EEPD1: variants seen among roughly 807,000 people sequenced by gnomAD.
EEPD1 encodes endonuclease/exonuclease/phosphatase family domain-containing protein 1.
Under a neutral mutation model 46.3 loss-of-function variants are expected in EEPD1, and 17 were observed. That is an observed-to-expected ratio of 0.37 (90% CI 0.25 to 0.55). The LOEUF (loss-of-function observed/expected upper bound fraction) is 0.55. Among genes scored for constraint, EEPD1 ranks in the 20% least tolerant of loss-of-function variants. The probability of loss-of-function intolerance (pLI) is 0.83; values close to 1 mark genes in which losing one functional copy is unlikely to be tolerated. For synonymous variants in EEPD1, 313 were observed against 315.6 expected (o/e 0.99, Z 0.09); for missense variants, 673 against 745.6 (o/e 0.90, Z 1.13).
At chr7:36,298,392 A>C (rs1312777369) in intron 7 of EEPD1, among the ~76,000 whole-genome samples, 2 of 152,196 alleles carry the variant, frequency 1.3e-5, no homozygotes, top group African/African-American at 2.4e-5. Context: ...TCCACCCAGA[A>C]TCTAGGCCCA....
rs539406021 is a variant in EEPD1 at position 36,201,923 on chromosome 7, A to G, written c.879-37062A>G. ...TGGCTTCCCATAGAATTATCATTCA[A>G]AGGGTTCTACCTGACCTGCCTGCAG... On this transcript the variant is annotated intron_variant, in intron 2 of 7. Coordinates refer to ENST00000242108, the MANE Select transcript of EEPD1 (RefSeq NM_030636.3). Among the ~76,000 whole-genome samples the G allele has an allele frequency of 8.5e-5, 13 of 152,308 alleles. No individual in the cohort carries two copies. The South Asian group carries it at 1.7e-3, about 19-fold the overall frequency.
intron 2 of EEPD1, among the ~76,000 whole-genome samples, chr7:36,204,845 GT>G (rs1379235937): frequency 6.6e-6 from 1 of 152,214 alleles, no homozygotes; most frequent in Non-Finnish European, 1.5e-5. Flanking sequence ...CCTTAGGATA[GT>G]GTGGCAGATG....
chr7:36,160,252 C>A (rs951362741), intron 2 of EEPD1, among the ~76,000 whole-genome samples: 2 of 152,188 alleles, frequency 1.3e-5, no homozygotes, highest in African/African-American at 4.8e-5. Context: ...AAGACAAAGT[C>A]CCTGCACTCA....
intron 3 of EEPD1, among the ~76,000 whole-genome samples, chr7:36,265,135 C>T (rs1433371128): frequency 6.6e-6 from 1 of 152,172 alleles, no homozygotes; most frequent in African/African-American, 2.4e-5. Flanking sequence ...AGGCTGGCAT[C>T]GCATAAGAAA....
At chr7:36,198,542 CAATT>C (rs1466156223) in intron 2 of EEPD1, among the ~76,000 whole-genome samples, 1 of 151,664 alleles carries the variant, frequency 6.6e-6, no homozygotes, top group East Asian at 1.9e-4. Context: ...TTTTATTTGT[CAATT>C]AATAAATAAA....
At chr7:36,182,675 C>T (rs1785291276) in intron 2 of EEPD1, among the ~76,000 whole-genome samples, 1 of 152,226 alleles carries the variant, frequency 6.6e-6, no homozygotes, top group Non-Finnish European at 1.5e-5. Flanking sequence ...TGGACTTGCC[C>T]AGTAATGCAC....
intron 3 of EEPD1, among the ~76,000 whole-genome samples, chr7:36,256,164 A>C (rs978363862): frequency 6.6e-6 from 1 of 152,104 alleles, no homozygotes; most frequent in African/African-American, 2.4e-5. Context: ...CTGAGTTCTA[A>C]TTTGATTGCA....
chr7:36,252,926 T>G (rs1227254493), intron 3 of EEPD1, among the ~76,000 whole-genome samples: 2 of 150,658 alleles, frequency 1.3e-5, no homozygotes, highest in Non-Finnish European at 3.0e-5. Context: ...TTCCATTGGT[T>G]TTTCTGGGTT....
At chr7:36,247,818 T>C (rs1786663762) in intron 3 of EEPD1, among the ~76,000 whole-genome samples, 1 of 152,060 alleles carries the variant, frequency 6.6e-6, no homozygotes, top group African/African-American at 2.4e-5. Context: ...TTCCCAGGAG[T>C]GGGAGCAGGT....
rs912509709 is a variant in EEPD1 at position 36,154,257 on chromosome 7, C to A, written c.-68C>A. 1 of 1,514,554 alleles carries A rather than the reference C, an allele frequency of 6.6e-7. No individual in the cohort carries two copies. The highest frequency in any genetic ancestry group is 8.8e-7 in the Non-Finnish European group (1 of 1,136,692). 93.8% of individuals were successfully genotyped at this position (1,514,554 alleles called of 1,614,324 possible). A position where few individuals can be genotyped will look rare whatever the true frequency, so the allele number is the denominator to read the frequency against. On this transcript the variant is annotated 5_prime_UTR_variant, in exon 2 of 8. Transcript: ENST00000242108. This position sits in a 1 kb window ranked among gnomAD's most constrained non-coding sequence, Gnocchi z 4.2. The stretch of plus-strand genomic sequence containing the variant: ...TTCTGTGCTTGTACGGCCTACTGGG[C>A]TTCCTCCCTAGCCAGAGAGCTCTTC...
intron 3 of EEPD1, among the ~76,000 whole-genome samples, chr7:36,273,129 T>TACACACACACACACAC (rs10578694): frequency 6.7e-6 from 1 of 148,438 alleles, no homozygotes; most frequent in Admixed American, 6.7e-5. Context: ...GGTGCATGCT[T>TACACACACACACACAC]ACACACACAC....
intron 3 of EEPD1, among the ~76,000 whole-genome samples, chr7:36,249,034 C>CACACA (rs3221650): frequency 6.6e-6 from 1 of 151,546 alleles, no homozygotes; most frequent in East Asian, 1.9e-4. Flanking sequence ...CACACACACA[C>CACACA]ATTTTCTCCT....
chr7:36,279,499 G>A (rs964270915), intron 3 of EEPD1, among the ~76,000 whole-genome samples: 1 of 152,198 alleles, frequency 6.6e-6, no homozygotes, highest in African/African-American at 2.4e-5. Flanking sequence ...ATAAAGCAAT[G>A]TGAGGGGAAA....
chr7:36,255,630 T>C (rs950926304), intron 3 of EEPD1, among the ~76,000 whole-genome samples: 7 of 152,232 alleles, frequency 4.6e-5, no homozygotes, highest in Admixed American at 3.9e-4. Flanking sequence ...GTGTTTATAG[T>C]ATTCTCTGAT....
In EEPD1 at chr7:36,154,711, A is replaced by G. The variant is rs752422111; in HGVS notation, c.387A>G (p.Thr129=). ...AGCAGCAGCCTCACCACCTGGCCAC[A>G]GCTGTGCCCCTCACCCCACGTGTTA... ...LAEQQPHHLA[T]AVPLTPRVNI... is the part of the protein sequence containing the mutation. The change falls in exon 2 of 8, where the codon ACA becomes ACG. Residue 129 remains threonine (T), a synonymous_variant. Transcript: ENST00000242108. This position sits in a 1 kb window ranked among gnomAD's most constrained non-coding sequence, Gnocchi z 4.2. 1.2e-6 allele frequency: 2 copies of G among 1,613,844 alleles called. No individual in the cohort carries two copies. The highest frequency in any genetic ancestry group is 2.2e-5 in the South Asian group (2 of 91,076).
chr7:36,224,805 C>T (rs1786205309), intron 2 of EEPD1, among the ~76,000 whole-genome samples: 1 of 151,914 alleles, frequency 6.6e-6, no homozygotes, highest in African/African-American at 2.4e-5. Flanking sequence ...TATCCTAATC[C>T]TTGGCACTTG....
At chr7:36,186,112 T>C (rs1020352423) in intron 2 of EEPD1, among the ~76,000 whole-genome samples, 1 of 152,196 alleles carries the variant, frequency 6.6e-6, no homozygotes, top group Non-Finnish European at 1.5e-5. Flanking sequence ...TAGCAAAATA[T>C]GAGCTTTGCA....
chr7:36,243,661 T>C (rs1786592298), intron 3 of EEPD1, among the ~76,000 whole-genome samples: 1 of 152,146 alleles, frequency 6.6e-6, no homozygotes, highest in South Asian at 2.1e-4. Context: ...AAAGGGGCCA[T>C]TTCCTTCACA....
At chr7:36,163,654 C>G (rs938071024) in intron 2 of EEPD1, among the ~76,000 whole-genome samples, 3 of 151,974 alleles carry the variant, frequency 2.0e-5, no homozygotes, top group Non-Finnish European at 4.4e-5. Flanking sequence ...CCGAGGCGGG[C>G]GGATCATGAG....
Sources: gnomAD v4.1 joint callset for allele counts (sites outside exome capture counted in the v4.1 genomes callset) on GRCh38, gnomAD v4.1.1 for gene constraint, Gnocchi (gnomAD v3.1) non-coding constraint, MANE v1.5 for transcripts, NCBI Gene and HGNC (gene_info 2026-07-23, HGNC 2026-07-21) for gene names.